The following NR5A2 variants were observed in gnomAD, a reference collection of about 807,000 sequenced individuals.
The protein encoded by NR5A2 is CYP7A promoter-binding factor.
In NR5A2, 26 loss-of-function variants were observed where a neutral mutation model predicts 62.7. That is an observed-to-expected ratio of 0.41 (90% CI 0.30 to 0.58). NR5A2 has a LOEUF of 0.58. NR5A2 is among the 20% of genes least tolerant of loss of function. The pLI, the probability that NR5A2 is intolerant of heterozygous loss-of-function variation, is 0.22. For missense variants in NR5A2, 541 were observed against 669.1 expected (o/e 0.81, Z 2.11); for synonymous variants, 246 against 241.7 (o/e 1.02, Z -0.16).
At position 200,174,807 on chromosome 1, in the gene NR5A2, AT is replaced by A. The variant is rs750442156; in HGVS notation, c.*601del. On this transcript the variant is annotated 3_prime_UTR_variant, in exon 8 of 8. Coordinates refer to ENST00000367362, the MANE Select transcript of NR5A2 (RefSeq NM_205860.3). The stretch of plus-strand genomic sequence containing the variant: ...GCTCCACCAAATCATGAACAGCCTA[AT>A]TTTGAGTGTCTGTGTCTTAGACCTG... 1.3e-5 allele frequency: 2 copies of A among 152,646 alleles called. No individual in the cohort carries two copies. Among genetic ancestry groups the A allele is most frequent in the Non-Finnish European group, 2.9e-5 (2 of 68,044 alleles). The allele number at this position is 152,646 out of a possible 1,614,324, so 9.5% of individuals were successfully genotyped here. A position where few individuals can be genotyped will look rare whatever the true frequency, so the allele number is the denominator to read the frequency against.
rs572138572 is a variant in NR5A2 at position 200,060,273 on chromosome 1, C to T, written c.1110+11455C>T. On this transcript the variant is annotated intron_variant, in intron 5 of 7. Coordinates refer to ENST00000367362, the MANE Select transcript of NR5A2 (RefSeq NM_205860.3). The stretch of plus-strand genomic sequence containing the variant: ...CTCAGCTGCATCTTCATTTACCCTT[C>T]AGGTGAAATGTGGTTGAGCAAGGAA... Among the ~76,000 whole-genome samples the T allele has an allele frequency of 2.0e-5, 3 of 152,264 alleles. No homozygotes were observed. In the East Asian group the frequency reaches 5.8e-4, roughly 29 times the overall value.
chr1:200,057,260 C>T lies in NR5A2; in HGVS notation c.1110+8442C>T, dbSNP rs143670349. Among the ~76,000 whole-genome samples the T allele has an allele frequency of 8.3e-3, 1,260 of 152,252 alleles. 17 individuals carry two copies. The highest frequency in any genetic ancestry group is 0.028 in the African/African-American group (1,155 of 41,550). ...AGAAGTAACTTTTCTTGGGTACCCA[C>T]TAAGCACCTACTCTAGTGCTAGGTG... On this transcript the variant is annotated intron_variant, in intron 5 of 7. Transcript: ENST00000367362.
intron 7 of NR5A2, among the ~76,000 whole-genome samples, chr1:200,146,282 T>C (rs564098761): frequency 1.1e-4 from 17 of 152,360 alleles, no homozygotes; most frequent in Non-Finnish European, 2.1e-4. Flanking sequence ...GAATCTGATC[T>C]GTCTACAGCA....
intron 5 of NR5A2, among the ~76,000 whole-genome samples, chr1:200,102,510 C>T (rs1357565345): frequency 1.3e-5 from 2 of 152,140 alleles, no homozygotes; most frequent in Non-Finnish European, 2.9e-5. Context: ...CTGTGCTATT[C>T]GTTCACTTTA....
At chr1:200,085,851 C>A (rs1664500052) in intron 5 of NR5A2, among the ~76,000 whole-genome samples, 1 of 152,166 alleles carries the variant, frequency 6.6e-6, no homozygotes, top group Non-Finnish European at 1.5e-5. Context: ...TAAGAAACAT[C>A]TGCAAAAGAC....
chr1:200,142,414 T>C (rs1383744670), intron 7 of NR5A2, among the ~76,000 whole-genome samples: 1 of 151,890 alleles, frequency 6.6e-6, no homozygotes, highest in Non-Finnish European at 1.5e-5. Flanking sequence ...GCCAGGTTGG[T>C]CTCGAACTCC....
Position 200,147,994 on chromosome 1 carries a change from G to C in NR5A2, c.1379-25969G>C, listed in dbSNP as rs893198338. ...CGGGCGGCCGCCTTGACCTCCTCCC[G>C]CGAGCCGAAAACGCCCAGTTCGAAG... On this transcript the variant is annotated intron_variant, in intron 7 of 7. Coordinates refer to ENST00000367362, the MANE Select transcript of NR5A2 (RefSeq NM_205860.3). The surrounding 1 kb of genome is among the most constrained non-coding windows in gnomAD (Gnocchi z 4.9). 1.3e-5 allele frequency: 4 copies of C among 306,072 alleles called. No homozygotes were observed. The highest frequency in any genetic ancestry group is 1.9e-5 in the Non-Finnish European group (3 of 160,100). 19.0% of individuals were successfully genotyped at this position (306,072 alleles called of 1,614,324 possible). A position where few individuals can be genotyped will look rare whatever the true frequency, so the allele number is the denominator to read the frequency against.
Position 200,147,647 on chromosome 1 carries a change from T to A in NR5A2, c.1379-26316T>A. 1 of 703,252 alleles carries A rather than the reference T, an allele frequency of 1.4e-6. No individual in the cohort carries two copies. The highest frequency in any genetic ancestry group is 2.7e-6 in the Non-Finnish European group (1 of 374,018). The allele number at this position is 703,252 out of a possible 1,614,324, so 43.6% of individuals were successfully genotyped here. On this transcript the variant is annotated intron_variant, in intron 7 of 7. Transcript: ENST00000367362. This position sits in a 1 kb window ranked among gnomAD's most constrained non-coding sequence, Gnocchi z 4.9. ...CGCAGCTTGCCCTGGATCTTGTCGA[T>A]TGAGTTGAAGTCGGACACGTGGAAG...
chr1:200,104,820 G>A (rs1571483719), intron 5 of NR5A2, among the ~76,000 whole-genome samples: 1 of 152,174 alleles, frequency 6.6e-6, no homozygotes. Flanking sequence ...GTGCCACTAT[G>A]TCTGGCTAAT....
intron 5 of NR5A2, among the ~76,000 whole-genome samples, chr1:200,091,871 A>T (rs964425722): frequency 1.3e-5 from 2 of 152,140 alleles, no homozygotes; most frequent in East Asian, 1.9e-4. Context: ...TGATGTGCAC[A>T]TGTGGAGTGG....
rs1667755742 is a variant in NR5A2, at chr1:200,147,397, T to C, written c.1378+26442T>C. 9.6e-6 allele frequency: 4 copies of C among 415,996 alleles called. No homozygotes were observed. The highest frequency in any genetic ancestry group is 2.0e-5 in the South Asian group (1 of 50,104). The allele number at this position is 415,996 out of a possible 1,614,324, so 25.8% of individuals were successfully genotyped here. On this transcript the variant is annotated intron_variant, in intron 7 of 7. Transcript: ENST00000367362. This position sits in a 1 kb window ranked among gnomAD's most constrained non-coding sequence, Gnocchi z 4.9. ...CCACCTTAGTTCCTCTCGGAGTCTG[T>C]ATGGGTCTGGGCGAGATGCAGGCAG...
At chr1:200,122,227 C>T (rs765545373) in intron 7 of NR5A2, among the ~76,000 whole-genome samples, 3 of 152,056 alleles carry the variant, frequency 2.0e-5, no homozygotes, top group Non-Finnish European at 4.4e-5. Flanking sequence ...ATCTTTTACC[C>T]GAGAACAGTG....
rs115957452 is a variant in NR5A2 at position 200,150,541 on chromosome 1, C to T, written c.1379-23422C>T. On this transcript the variant is annotated intron_variant, in intron 7 of 7. Transcript: ENST00000367362. ...GCTCCAGTAATTAATGGGCTAATTA[C>T]GAGATGCTTGTAAAATGGCTTAAAC... is the stretch of plus-strand genomic sequence containing the variant. Among the ~76,000 whole-genome samples the T allele has an allele frequency of 8.0e-3, 1,210 of 152,144 alleles. 14 individuals carry two copies. The highest frequency in any genetic ancestry group is 0.026 in the African/African-American group (1,086 of 41,494).
At chr1:200,038,795 TC>T (rs747089371) in intron 1 of NR5A2, 8 of 1,262,406 alleles carry the variant, frequency 6.3e-6, no homozygotes, top group African/African-American at 3.1e-5. Context: ...TGCATTTACA[TC>T]CCCCCGCCCC....
chr1:200,044,927 C>T (rs757899370), intron 3 of NR5A2, among the ~76,000 whole-genome samples: 8 of 151,642 alleles, frequency 5.3e-5, no homozygotes, highest in Non-Finnish European at 8.8e-5. Flanking sequence ...GAGCATTTTC[C>T]CATTTTACTC....
intron 7 of NR5A2, among the ~76,000 whole-genome samples, chr1:200,141,179 T>G (rs1039071551): frequency 5.9e-5 from 9 of 152,230 alleles, no homozygotes; most frequent in Admixed American, 5.9e-4. Flanking sequence ...GGCAATGTTA[T>G]CACATGTAGG....
chr1:200,144,231 TCTCACA>T (rs1346542103), intron 7 of NR5A2, among the ~76,000 whole-genome samples: 38 of 70,848 alleles, frequency 5.4e-4, no homozygotes, highest in Middle Eastern at 9.1e-3. Flanking sequence ...TCTCTCTCTC[TCTCACA>T]CACACACACA....
chr1:200,095,600 T>C (rs963082843), intron 5 of NR5A2, among the ~76,000 whole-genome samples: 4 of 152,104 alleles, frequency 2.6e-5, no homozygotes, highest in Non-Finnish European at 5.9e-5. Context: ...TCGCCCAGGC[T>C]GGAGTGCAGT....
At chr1:200,130,559 A>G (rs1666930185) in intron 7 of NR5A2, among the ~76,000 whole-genome samples, 1 of 152,256 alleles carries the variant, frequency 6.6e-6, no homozygotes, top group African/African-American at 2.4e-5. Context: ...GTGGAAAACT[A>G]GTAAAAAATG....
Sources: gnomAD v4.1 joint callset for allele counts (sites outside exome capture counted in the v4.1 genomes callset) on GRCh38, gnomAD v4.1.1 for gene constraint, Gnocchi (gnomAD v3.1) non-coding constraint, MANE v1.5 for transcripts, NCBI Gene and HGNC (gene_info 2026-07-23, HGNC 2026-07-21) for gene names.